CCDC3: variants seen among roughly 807,000 people sequenced by gnomAD.
CCDC3 encodes the protein coiled-coil domain-containing protein 3.
Under a neutral mutation model 21.4 loss-of-function variants are expected in CCDC3, and 24 were observed. The ratio of observed to expected loss-of-function variants is 1.12; its 90% confidence interval spans 0.81 to 1.58. The LOEUF (loss-of-function observed/expected upper bound fraction) is 1.58, where lower values mean the gene tolerates loss of function less well. CCDC3 is among the 40% of genes most tolerant of loss of function. CCDC3 has a pLI of 0.00. For synonymous variants in CCDC3, 186 were observed against 166.0 expected, an observed-to-expected ratio of 1.12 and a Z score of -0.93; for missense variants, 425 against 360.9, an observed-to-expected ratio of 1.18 and a Z score of -1.44.
At chr10:12,942,474 C>T (rs1368395218) in intron 2 of CCDC3, among the ~76,000 whole-genome samples, 4 of 152,286 alleles carry the variant, frequency 2.6e-5, no homozygotes, top group Middle Eastern at 3.4e-3. Context: ...GAAAAGCAAG[C>T]TGGAAGCTTG....
intron 2 of CCDC3, among the ~76,000 whole-genome samples, chr10:12,910,594 CAA>C (rs61243830): frequency 0.17 from 15,093 of 91,166 alleles, 1,404 homozygotes; most frequent in East Asian, 0.3. Context: ...CTAGTCAGAG[CAA>C]AAAAAAAAAA....
intron 5 of CCDC3, among the ~76,000 whole-genome samples, chr10:13,013,921 C>T (rs2131400282): frequency 6.6e-6 from 1 of 152,234 alleles, no homozygotes; most frequent in South Asian, 2.1e-4. Flanking sequence ...GAGGCCGAGG[C>T]AGGGGGATCA....
intron 5 of CCDC3, among the ~76,000 whole-genome samples, chr10:13,027,341 A>G (rs765082149): frequency 6.6e-6 from 1 of 152,160 alleles, no homozygotes; most frequent in Non-Finnish European, 1.5e-5. Flanking sequence ...TAAAGAATCT[A>G]ATGAGAAAGT....
At chr10:13,082,553 G>T (rs1290470353) in intron 3 of CCDC3, among the ~76,000 whole-genome samples, 1 of 152,178 alleles carries the variant, frequency 6.6e-6, no homozygotes, top group African/African-American at 2.4e-5. Context: ...AGAGGTGGTG[G>T]AGCAGAGTCT....
intron 2 of CCDC3, among the ~76,000 whole-genome samples, chr10:12,902,316 G>A (rs921586434): frequency 6.6e-6 from 1 of 152,122 alleles, no homozygotes; most frequent in East Asian, 1.9e-4. Context: ...GCCAAAATGA[G>A]ACCCCCTCAA....
At chr10:13,018,011 G>A (rs1392215798) in intron 5 of CCDC3, among the ~76,000 whole-genome samples, 1 of 151,960 alleles carries the variant, frequency 6.6e-6, no homozygotes, top group East Asian at 1.9e-4. Context: ...CCCTATATAG[G>A]TTAGAGCAGA....
intron 2 of CCDC3, among the ~76,000 whole-genome samples, chr10:12,934,750 T>C (rs946329656): frequency 3.9e-5 from 6 of 152,288 alleles, no homozygotes; most frequent in African/African-American, 1.4e-4. Context: ...AAAATTAATA[T>C]AGCTACTCCT....
At chr10:13,003,361 T>C (rs922026030), upstream of CCDC3, among the ~76,000 whole-genome samples, 2 of 152,210 alleles carry the variant, frequency 1.3e-5, no homozygotes, top group Non-Finnish European at 2.9e-5. Context: ...GAGAAGTTAA[T>C]TGACACCAAA....
At chr10:12,973,757 C>T (rs938756842) in intron 2 of CCDC3, among the ~76,000 whole-genome samples, 1 of 151,782 alleles carries the variant, frequency 6.6e-6, no homozygotes, top group Non-Finnish European at 1.5e-5. Flanking sequence ...TATAACTCCA[C>T]GGCCTTACTT....
chr10:12,998,751 C>T (rs1233263505), intron 1 of CCDC3, among the ~76,000 whole-genome samples: 1 of 152,146 alleles, frequency 6.6e-6, no homozygotes, highest in African/African-American at 2.4e-5. Flanking sequence ...GTGTATGGTG[C>T]CTGTTTGTCT....
At chr10:12,963,043 T>G (rs533108498) in intron 2 of CCDC3, among the ~76,000 whole-genome samples, 1 of 152,346 alleles carries the variant, frequency 6.6e-6, no homozygotes, top group Admixed American at 6.5e-5. Context: ...GCTTTTTATT[T>G]GGTTAAGAGA....
At chr10:13,023,134 G>A (rs1340251526) in intron 5 of CCDC3, among the ~76,000 whole-genome samples, 2 of 151,856 alleles carry the variant, frequency 1.3e-5, no homozygotes, top group African/African-American at 4.8e-5. Flanking sequence ...ACAGCAAAAG[G>A]AAAGTGTAAA....
chr10:13,010,064 G>A (rs1236309180), intron 5 of CCDC3, among the ~76,000 whole-genome samples: 4 of 151,960 alleles, frequency 2.6e-5, no homozygotes, highest in African/African-American at 2.4e-5. Flanking sequence ...CCTGGCCAAC[G>A]TGGTGAAACC....
At chr10:13,049,162 C>A (rs1836570707) in intron 5 of CCDC3, among the ~76,000 whole-genome samples, 1 of 152,104 alleles carries the variant, frequency 6.6e-6, no homozygotes, top group Admixed American at 6.6e-5. Context: ...AAGAAGACTG[C>A]ACATTAGAGA....
chr10:12,998,190 G>A (rs1359913794), intron 2 of CCDC3, 148 bp downstream of exon 2: 1 of 751,094 alleles, frequency 1.3e-6, no homozygotes, highest in African/African-American at 1.8e-5. Context: ...GAGGTAAGGA[G>A]GGATAGCAGG....
chr10:12,998,227 CTCTGA>C, intron 2 of CCDC3, 106 bp downstream of exon 2: 1 of 1,238,618 alleles, frequency 8.1e-7, no homozygotes, highest in African/African-American at 1.5e-5. Flanking sequence ...CGCTAATACT[CTCTGA>C]TCTGGGCTTT....
At position 12,898,331 on chromosome 10, in the gene CCDC3, C is replaced by A; in HGVS notation, c.*85G>T. ...ATTAAAAACAAAAACTCTTACAACC[C>A]TTGAAATAGCTGCATGTACGAAACC... On this transcript the variant is annotated 3_prime_UTR_variant, in exon 3 of 3. Coordinates refer to ENST00000378825, the MANE Select transcript of CCDC3 (RefSeq NM_031455.4). 1 of 1,372,538 alleles carries A rather than the reference C, an allele frequency of 7.3e-7. No homozygotes were observed. Among genetic ancestry groups the A allele is most frequent in the Non-Finnish European group, 9.9e-7 (1 of 1,014,924 alleles). 85.0% of individuals were successfully genotyped at this position (1,372,538 alleles called of 1,614,324 possible).
At chr10:12,907,308 G>A (rs1244947982) in intron 2 of CCDC3, among the ~76,000 whole-genome samples, 2 of 152,204 alleles carry the variant, frequency 1.3e-5, no homozygotes, top group Admixed American at 6.5e-5. Context: ...TAATGCTGGA[G>A]CTGGATTCAC....
chr10:12,930,290 A>C (rs1380739431), intron 2 of CCDC3, among the ~76,000 whole-genome samples: 1 of 152,218 alleles, frequency 6.6e-6, no homozygotes, highest in Non-Finnish European at 1.5e-5. Context: ...TTGTGCCCTC[A>C]AAAACGTGTC....
Sources: allele counts gnomAD v4.1 joint callset (sites outside exome capture counted in the v4.1 genomes callset), GRCh38; gene constraint gnomAD v4.1.1; transcripts MANE v1.5; gene names NCBI Gene and HGNC (gene_info 2026-07-23, HGNC 2026-07-21).